Variants in NFASC observed in about 807,000 individuals in gnomAD.
NFASC encodes neurofascin homolog.
Under a neutral mutation model 147.5 loss-of-function variants are expected in NFASC, and 43 were observed. The observed-to-expected ratio is 0.29, with a 90% CI of 0.23 to 0.38. The LOEUF (loss-of-function observed/expected upper bound fraction) is 0.38, where lower values mean the gene tolerates loss of function less well. Ranked by LOEUF, NFASC falls within the 10% of genes least tolerant of loss-of-function variation. NFASC has a pLI of 1.00. For missense variants in NFASC, 1,320 were observed against 1,689.0 expected (o/e 0.78, Z 3.83); for synonymous variants, 622 against 665.5 (o/e 0.93, Z 1.01).
Position 204,964,742 on chromosome 1 carries a change from A to C in NFASC, c.707-3507A>C, listed in dbSNP as rs73067302. ...TCAGTTCTGAGAATCGAAAGCAGCA[A>C]AGTGGTCTGGATGAGGGATACAGAT... On this transcript the variant is annotated intron_variant, in intron 8 of 29. Coordinates refer to ENST00000339876, the MANE Select transcript of NFASC (RefSeq NM_001005388.3). Among the ~76,000 whole-genome samples the C allele has an allele frequency of 9.8e-3, 1,487 of 152,288 alleles. 13 individuals carry two copies. The highest frequency in any genetic ancestry group is 0.034 in the African/African-American group (1,423 of 41,544).
intron 3 of NFASC, chr1:204,946,451 G>A (rs547832152): frequency 3.5e-5 from 15 of 427,444 alleles, no homozygotes; most frequent in African/African-American, 2.8e-4. Context: ...GGCTGTGTCG[G>A]GGCAGGAGAC....
chr1:204,963,341 T>A (rs1405518476), intron 8 of NFASC, among the ~76,000 whole-genome samples: 1 of 152,218 alleles, frequency 6.6e-6, no homozygotes, highest in African/African-American at 2.4e-5. Flanking sequence ...CCCAGAGCCC[T>A]GGTATGGAAT....
chr1:204,976,099 C>T (rs147285759), intron 15 of NFASC, among the ~76,000 whole-genome samples: 2 of 152,262 alleles, frequency 1.3e-5, no homozygotes, highest in East Asian at 1.9e-4. Flanking sequence ...ACGGTACCAG[C>T]GGTTTCTAGC....
chr1:205,014,805 C>G (rs1306289313), intron 29 of NFASC, among the ~76,000 whole-genome samples: 1 of 152,192 alleles, frequency 6.6e-6, no homozygotes, highest in Non-Finnish European at 1.5e-5. Flanking sequence ...TCCCATAGCA[C>G]AGTCCTCATG....
chr1:204,897,318 G>C (rs1278014033), intron 1 of NFASC, among the ~76,000 whole-genome samples: 1 of 152,146 alleles, frequency 6.6e-6, no homozygotes, highest in Non-Finnish European at 1.5e-5. Context: ...AGTGCCTGTG[G>C]GCAGGCTGGG....
intron 2 of NFASC, among the ~76,000 whole-genome samples, chr1:204,938,723 G>A (rs1039956661): frequency 2.6e-5 from 4 of 152,224 alleles, no homozygotes; most frequent in African/African-American, 9.6e-5. Flanking sequence ...AAGCCTTGCA[G>A]ATTTAAAGGC....
intron 12 of NFASC, among the ~76,000 whole-genome samples, 157 bp downstream of exon 12, chr1:204,973,576 A>G (rs1278158708): frequency 6.6e-6 from 1 of 152,226 alleles, no homozygotes. Context: ...GGAGATGGGA[A>G]AAAATTTGTG....
chr1:204,844,778 T>A (rs1289616887), intron 1 of NFASC, among the ~76,000 whole-genome samples: 1 of 152,058 alleles, frequency 6.6e-6, no homozygotes, highest in African/African-American at 2.4e-5. Context: ...CTGAGTTAGG[T>A]CAGAGCCACA....
chr1:204,926,400 ATATATATTTTTTTTTTTTTT>A (rs1320773068), intron 2 of NFASC, among the ~76,000 whole-genome samples: 935 of 29,592 alleles, frequency 0.032, 18 homozygotes, highest in Non-Finnish European at 0.041. Flanking sequence ...ATATATATAT[ATATATATTTTTTTTTTTTTT>A]TTTTTTTTTT....
At chr1:204,990,887 G>A (rs528497441) in intron 23 of NFASC, among the ~76,000 whole-genome samples, 20 of 152,282 alleles carry the variant, frequency 1.3e-4, no homozygotes, top group South Asian at 4.1e-4. Context: ...ATCATGGAGC[G>A]TCACCCAGCC....
intron 1 of NFASC, among the ~76,000 whole-genome samples, chr1:204,900,393 G>T (rs968909757): frequency 3.9e-5 from 6 of 152,342 alleles, no homozygotes; most frequent in South Asian, 4.1e-4. Context: ...GGGAGCTTCA[G>T]AGGTGTCAGG....
intron 1 of NFASC, among the ~76,000 whole-genome samples, chr1:204,880,987 C>G (rs1346101038): frequency 1.3e-5 from 2 of 152,190 alleles, no homozygotes; most frequent in Non-Finnish European, 2.9e-5. Flanking sequence ...TCAGAATAAG[C>G]GAAGAGTGTA....
At chr1:204,883,849 A>G (rs1047575097) in intron 1 of NFASC, among the ~76,000 whole-genome samples, 1 of 152,200 alleles carries the variant, frequency 6.6e-6, no homozygotes, top group Non-Finnish European at 1.5e-5. Flanking sequence ...TCCATGCTGC[A>G]GGGATGAGTG....
intron 10 of NFASC, 97 bp downstream of exon 10, chr1:204,969,079 A>T: frequency 1.8e-6 from 2 of 1,088,476 alleles, no homozygotes. Flanking sequence ...AGTGAGTCGG[A>T]GAGACTTCCA....
chr1:204,985,927 G>A, intron 21 of NFASC: 2 of 1,613,186 alleles, frequency 1.2e-6, no homozygotes, highest in Non-Finnish European at 1.7e-6. Flanking sequence ...ACTGGAGGGA[G>A]AGCAGCTTGC....
Position 204,968,725 on chromosome 1 carries a change from G to A in NFASC, c.819-73G>A. On this transcript the variant is annotated intron_variant, in intron 9 of 29. Coordinates refer to ENST00000339876, the MANE Select transcript of NFASC (RefSeq NM_001005388.3). The surrounding 1 kb of genome is among the most constrained non-coding windows in gnomAD (Gnocchi z 5.4). The stretch of plus-strand genomic sequence containing the variant: ...AAGTATACTTTTAGGCCACCTGGGT[G>A]TCCCCAGCTGTATAGAAGAGGAGAA... 1.4e-6 allele frequency: 2 copies of A among 1,396,282 alleles called. No homozygotes were observed. Among genetic ancestry groups the A allele is most frequent in the Non-Finnish European group, 9.8e-7 (1 of 1,025,326 alleles). The allele number at this position is 1,396,282 out of a possible 1,614,324, so 86.5% of individuals were successfully genotyped here.
rs754724304 is a variant in NFASC, at chr1:205,009,632, T to G, written c.3365T>G (p.Val1122Gly). ...CTTATGTGCGCCATCGCCCTCCTGG[T>G]GCTGATCCTGCTCATCGTCTGTTTC... ...IGLMCAIALL[V>G]LILLIVCFIK... The change falls in exon 28 of 30, where the codon GTG (valine) becomes GGG (glycine). Residue 1122 changes from valine to glycine, a missense_variant. By Grantham distance (109) the Val-to-Gly change is moderately radical. Coordinates refer to ENST00000339876, the MANE Select transcript of NFASC (RefSeq NM_001005388.3). 1 of 1,614,126 alleles carries G rather than the reference T, an allele frequency of 6.2e-7. No homozygotes were observed. Among genetic ancestry groups the G allele is most frequent in the East Asian group, 2.2e-5 (1 of 44,874 alleles).
chr1:204,871,461 G>A (rs1206992984), intron 1 of NFASC, among the ~76,000 whole-genome samples: 1 of 152,130 alleles, frequency 6.6e-6, no homozygotes, highest in Non-Finnish European at 1.5e-5. Flanking sequence ...TTTAGAGGAG[G>A]GAGACTCAGT....
intron 2 of NFASC, among the ~76,000 whole-genome samples, chr1:204,926,303 A>T (rs1002043104): frequency 2.7e-5 from 4 of 148,708 alleles, no homozygotes; most frequent in Non-Finnish European, 5.9e-5. Flanking sequence ...GTGTAAATTT[A>T]TCCATTTTCC....
Sources: gnomAD v4.1 joint callset for allele counts (sites outside exome capture counted in the v4.1 genomes callset) on GRCh38, gnomAD v4.1.1 for gene constraint, Gnocchi (gnomAD v3.1) non-coding constraint, MANE v1.5 for transcripts, NCBI Gene and HGNC (gene_info 2026-07-23, HGNC 2026-07-21) for gene names.